The following ZNF556 variants were observed in gnomAD, a reference collection of about 807,000 sequenced individuals.
ZNF556 encodes the protein zinc finger protein 556.
A neutral mutation model predicts 13.6 loss-of-function variants in ZNF556; 11 were observed. The ratio of observed to expected loss-of-function variants is 0.81; its 90% CI spans 0.51 to 1.33. The LOEUF is 1.33. Ranked by LOEUF, ZNF556 falls within the 40% of genes most tolerant of loss-of-function variation. The pLI is 0.00. For missense variants in ZNF556, 633 were observed against 566.2 expected, an observed-to-expected ratio of 1.12 and a Z score of -1.20; for synonymous variants, 229 against 207.8, an observed-to-expected ratio of 1.10 and a Z score of -0.88.
chr19:2,869,743 G>A (rs979567779), intron 1 of ZNF556, among the ~76,000 whole-genome samples: 8 of 152,166 alleles, frequency 5.3e-5, no homozygotes, highest in Admixed American at 2.0e-4. Context: ...CTCATCTAGT[G>A]CGGCTTTCGC....
At chr19:2,874,622 T>C (rs1232627020) in intron 2 of ZNF556, among the ~76,000 whole-genome samples, 1 of 151,548 alleles carries the variant, frequency 6.6e-6, no homozygotes, top group East Asian at 1.9e-4. Flanking sequence ...AGGGCACCTT[T>C]AGTCCCAGCT....
At chr19:2,876,549 G>A (rs1178914622) in intron 3 of ZNF556, among the ~76,000 whole-genome samples, 1 of 152,086 alleles carries the variant, frequency 6.6e-6, no homozygotes, top group Non-Finnish European at 1.5e-5. Context: ...GTGAAACCCT[G>A]TCTCTACTAA....
At chr19:2,868,000 A>G (rs1163231879) in intron 1 of ZNF556, among the ~76,000 whole-genome samples, 1 of 152,238 alleles carries the variant, frequency 6.6e-6, no homozygotes, top group Non-Finnish European at 1.5e-5. Context: ...ACATACAGTA[A>G]ATAATAGAGT....
chr19:2,877,901 T>G lies in ZNF556; in HGVS notation c.943T>G (p.Tyr315Asp). The G allele has an allele frequency of 6.2e-7, 1 of 1,614,142 alleles. No individual in the cohort carries two copies. Among genetic ancestry groups the G allele is most frequent in the Non-Finnish European group, 8.5e-7 (1 of 1,180,022 alleles). The change falls in exon 4 of 4, where the codon TAT becomes GAT. Residue 315 changes from tyrosine (Y) to aspartate (D), a missense_variant. Transcript: ENST00000307635. ...HVRIHNGEKPYKCGKCGKAFG... is the reference protein window; with the variant it reads ...HVRIHNGEKPDKCGKCGKAFG... ...GAGAATTCACAACGGGGAGAAACCC[T>G]ATAAGTGTGGAAAATGCGGGAAAGC...
chr19:2,882,440 A>G lies in ZNF556; in HGVS notation c.*4111A>G, dbSNP rs1451571607. 1 of 151,428 alleles carries G rather than the reference A, an allele frequency of 6.6e-6. No individual in the cohort carries two copies. Among genetic ancestry groups the G allele is most frequent in the African/African-American group, 2.4e-5 (1 of 41,256 alleles). 9.4% of individuals were successfully genotyped at this position (151,428 alleles called of 1,614,324 possible). On this transcript the variant is annotated 3_prime_UTR_variant, in exon 4 of 4. Transcript: ENST00000307635. ...GGGACTCTGTCTCAAAAAAAAAAAG[A>G]GACAAAAGGTATATTTATGGTTCAG... is the stretch of plus-strand genomic sequence containing the variant.
chr19:2,870,220 G>A (rs141398759), intron 1 of ZNF556, among the ~76,000 whole-genome samples: 13,783 of 152,030 alleles, frequency 0.091, 881 homozygotes, highest in East Asian at 0.29. Flanking sequence ...GCCGAGGCAG[G>A]TGGATCAGTT....
intron 1 of ZNF556, among the ~76,000 whole-genome samples, 175 bp downstream of exon 1, chr19:2,867,599 C>T (rs1304535476): frequency 6.6e-6 from 1 of 151,766 alleles, no homozygotes; most frequent in African/African-American, 2.4e-5. Context: ...GTCTTCATTC[C>T]CTGGAAAGTC....
At position 2,869,174 on chromosome 19, in the gene ZNF556, A is replaced by C. The variant is rs574215980; in HGVS notation, c.3+1750A>C. ...ACATGTGTGTCCACTTGAATGCCTTATTCTCAGCTGCACTGCAGTATATCC... is the reference window on the plus strand; with the variant it reads ...ACATGTGTGTCCACTTGAATGCCTTCTTCTCAGCTGCACTGCAGTATATCC... On this transcript the variant is annotated intron_variant, in intron 1 of 3. Transcript: ENST00000307635. Among the ~76,000 whole-genome samples the C allele has an allele frequency of 3.3e-5, 5 of 152,260 alleles. No individual in the cohort carries two copies. The South Asian group carries it at 8.3e-4, about 25-fold the overall frequency.
At chr19:2,876,016 G>A (rs2087848049) in intron 2 of ZNF556, 77 bp from the exon 3 acceptor site, 2 of 1,234,324 alleles carry the variant, frequency 1.6e-6, no homozygotes, top group Admixed American at 2.5e-5. Flanking sequence ...ATGAAGTCAT[G>A]AAACAATTAA....
chr19:2,872,818 C>CA (rs770269518), intron 1 of ZNF556, among the ~76,000 whole-genome samples: 281 of 74,902 alleles, frequency 3.8e-3, no homozygotes, highest in Middle Eastern at 0.017. Flanking sequence ...GACTCCATCT[C>CA]AAAAAAAAAA....
chr19:2,877,353 G>C lies in ZNF556; in HGVS notation c.395G>C (p.Cys132Ser). ...AGAACCTTCAGAAAGACTCGAAATTGTAATCGTCATCTGCGCAAGAATTGT... is the reference window on the plus strand; with the variant it reads ...AGAACCTTCAGAAAGACTCGAAATTCTAATCGTCATCTGCGCAAGAATTGT... ...RGRTFRKTRN[C>S]NRHLRKNCCT... is the part of the protein sequence containing the mutation. The change falls in exon 4 of 4, where the codon TGT becomes TCT. Residue 132 changes from cysteine to serine, a missense_variant. Cys to Ser is a moderately radical substitution (Grantham distance 112, BLOSUM62 -1). Transcript: ENST00000307635. The C allele has an allele frequency of 6.2e-7, 1 of 1,614,204 alleles. No homozygotes were observed. The highest frequency in any genetic ancestry group is 8.5e-7 in the Non-Finnish European group (1 of 1,180,044).
rs1012036951 is a variant in ZNF556, at chr19:2,881,043, TTTTTAG to T, written c.*2716_*2721del. ...CCACCACACCCGGCTAATTTTTGTA[TTTTTAG>T]TAGAGACGGGGTTTCACTATGCTGG... On this transcript the variant is annotated 3_prime_UTR_variant, in exon 4 of 4. Transcript: ENST00000307635. 1 of 151,590 alleles carries T rather than the reference TTTTTAG, an allele frequency of 6.6e-6. No individual in the cohort carries two copies. Among genetic ancestry groups the T allele is most frequent in the African/African-American group, 2.4e-5 (1 of 41,334 alleles). 9.4% of individuals were successfully genotyped at this position (151,590 alleles called of 1,614,324 possible).
intron 1 of ZNF556, among the ~76,000 whole-genome samples, chr19:2,871,245 G>A: frequency 6.6e-6 from 1 of 152,078 alleles, no homozygotes; most frequent in East Asian, 1.9e-4. Flanking sequence ...TCCTGCCATT[G>A]GTGACAGCAC....
At position 2,877,949 on chromosome 19, in the gene ZNF556, C is replaced by T; in HGVS notation, c.991C>T (p.His331Tyr). The T allele has an allele frequency of 1.2e-6, 2 of 1,614,230 alleles. No homozygotes were observed. Among genetic ancestry groups the T allele is most frequent in the Non-Finnish European group, 1.7e-6 (2 of 1,180,040 alleles). ...GKAFGWPSSL[H>Y]KHARTHAKKK... ...AGCATTCGGTTGGCCCTCATCCTTA[C>T]ACAAACACGCGAGAACGCATGCTAA... Residue 331 changes from histidine (H) to tyrosine (Y), a missense_variant, in exon 4 of 4, where the codon CAC (histidine) becomes TAC (tyrosine). Physicochemically the swap from His to Tyr is moderately conservative, Grantham distance 83. Coordinates refer to ENST00000307635, the MANE Select transcript of ZNF556 (RefSeq NM_024967.3).
rs768949953 is a variant in ZNF556 at position 2,877,802 on chromosome 19, G to T, written c.844G>T (p.Ala282Ser). The T allele has an allele frequency of 1.9e-6, 3 of 1,613,950 alleles. No homozygotes were observed. The highest frequency in any genetic ancestry group is 2.5e-6 in the Non-Finnish European group (3 of 1,180,000). ...KSFRVHMIMHAGGRPYECKQC... is the reference protein window; with the variant it reads ...KSFRVHMIMHSGGRPYECKQC... ...CTTTCGAGTCCATATGATCATGCAC[G>T]CCGGAGGGAGACCGTATGAGTGCAA... The change falls in exon 4 of 4, where the codon GCC (alanine) becomes TCC (serine). Residue 282 changes from alanine to serine, a missense_variant. Transcript: ENST00000307635.
In ZNF556 at chr19:2,883,253, G is replaced by C. The variant is rs2087918144; in HGVS notation, c.*4924G>C. The C allele has an allele frequency of 1.3e-5, 2 of 152,092 alleles. No individual in the cohort carries two copies. Among genetic ancestry groups the C allele is most frequent in the Non-Finnish European group, 2.9e-5 (2 of 68,028 alleles). The allele number at this position is 152,092 out of a possible 1,614,324, so 9.4% of individuals were successfully genotyped here. A position where few individuals can be genotyped will look rare whatever the true frequency, so the allele number is the denominator to read the frequency against. On this transcript the variant is annotated 3_prime_UTR_variant, in exon 4 of 4. Coordinates refer to ENST00000307635, the MANE Select transcript of ZNF556 (RefSeq NM_024967.3). Reference sequence around the variant, plus strand: ...TTTTGAGTAACATCCCAATGTATTTGTCATCCTTTAATTAATTTTTATTTT... The same window carrying C: ...TTTTGAGTAACATCCCAATGTATTTCTCATCCTTTAATTAATTTTTATTTT...
In ZNF556 at chr19:2,870,724, G is replaced by A. The variant is rs552450958; in HGVS notation, c.4-2772G>A. ...ATCATGCCATTGCACTCCAGCCTGG[G>A]CGACAGAGTGAGACTCCATCTCAAA... On this transcript the variant is annotated intron_variant, in intron 1 of 3. Transcript: ENST00000307635. 6.5e-4 allele frequency among the ~76,000 whole-genome samples: 95 copies of A among 145,480 alleles called. 1 individual carries two copies. The highest frequency in any genetic ancestry group is 2.2e-3 in the African/African-American group (88 of 39,270).
chr19:2,875,052 G>T, intron 2 of ZNF556: 1 of 157,354 alleles, frequency 6.4e-6, no homozygotes, highest in Admixed American at 6.2e-5. Context: ...CTGTGGGCCT[G>T]AATGCCCTTC....
chr19:2,872,594 A>T (rs2087812902), intron 1 of ZNF556, among the ~76,000 whole-genome samples: 1 of 152,126 alleles, frequency 6.6e-6, no homozygotes, highest in East Asian at 1.9e-4. Flanking sequence ...TGGTATAACT[A>T]TTCTTACTTG....
Sources: allele counts gnomAD v4.1 joint callset (sites outside exome capture counted in the v4.1 genomes callset), GRCh38; gene constraint gnomAD v4.1.1; transcripts MANE v1.5; gene names NCBI Gene and HGNC (gene_info 2026-07-23, HGNC 2026-07-21).